KCNMA1: variants seen among roughly 807,000 people sequenced by gnomAD.
KCNMA1 encodes the protein Calcium-activated potassium channel subunit alpha-1.
KCNMA1 carries 29 observed loss-of-function variants against 140.0 expected under a neutral mutation model. The ratio of observed to expected loss-of-function variants is 0.21; its 90% CI spans 0.15 to 0.28. KCNMA1 has a LOEUF of 0.28. Ranked by LOEUF, KCNMA1 falls within the 10% of genes least tolerant of loss-of-function variation. The pLI is 1.00. For missense variants in KCNMA1, 880 were observed against 1,602.2 expected, an observed-to-expected ratio of 0.55 and a Z score of 7.70; for synonymous variants, 612 against 611.9, an observed-to-expected ratio of 1.00 and a Z score of 0.00.
intron 2 of KCNMA1, among the ~76,000 whole-genome samples, chr10:77,292,489 G>A (rs2073601863): frequency 6.6e-6 from 1 of 152,186 alleles, no homozygotes; most frequent in African/African-American, 2.4e-5. Context: ...GTTGCCAACT[G>A]GATCATACTG....
At chr10:77,275,210 C>T (rs191925544) in intron 2 of KCNMA1, among the ~76,000 whole-genome samples, 1 of 152,300 alleles carries the variant, frequency 6.6e-6, no homozygotes, top group East Asian at 1.9e-4. Flanking sequence ...GATCTGAAAG[C>T]ACAACCCTGA....
At chr10:77,453,003 CGG>C (rs1478368299) in intron 1 of KCNMA1, among the ~76,000 whole-genome samples, 2 of 152,074 alleles carry the variant, frequency 1.3e-5, no homozygotes, top group Non-Finnish European at 2.9e-5. Flanking sequence ...ACCTAGCTGA[CGG>C]GGTTGCTATA....
intron 1 of KCNMA1, among the ~76,000 whole-genome samples, chr10:77,631,549 C>A (rs1353530542): frequency 6.6e-6 from 1 of 152,160 alleles, no homozygotes; most frequent in Non-Finnish European, 1.5e-5. Context: ...CAGTGTGAGC[C>A]GGGACGCCCA....
intron 3 of KCNMA1, among the ~76,000 whole-genome samples, chr10:77,240,440 G>C (rs756066441): frequency 6.6e-6 from 1 of 152,126 alleles, no homozygotes; most frequent in African/African-American, 2.4e-5. Context: ...AGAGAGAAGG[G>C]GTCCTTTTTG....
intron 15 of KCNMA1, among the ~76,000 whole-genome samples, chr10:77,036,535 C>T (rs763523214): frequency 6.6e-6 from 1 of 152,226 alleles, no homozygotes; most frequent in Non-Finnish European, 1.5e-5. Flanking sequence ...TGTTTTAGCG[C>T]AGCGCATAAT....
At chr10:77,132,039 C>A (rs1055436224) in intron 5 of KCNMA1, among the ~76,000 whole-genome samples, 1 of 150,414 alleles carries the variant, frequency 6.6e-6, no homozygotes, top group Admixed American at 6.6e-5. Context: ...GGAAAGGCAA[C>A]TTTCCTTCAA....
chr10:76,935,254 C>G (rs917212796), intron 23 of KCNMA1, among the ~76,000 whole-genome samples: 1 of 152,202 alleles, frequency 6.6e-6, no homozygotes, highest in South Asian at 2.1e-4. Context: ...GGTGCAAGGA[C>G]CAGTTTAGAA....
intron 2 of KCNMA1, among the ~76,000 whole-genome samples, chr10:77,296,821 T>C (rs1601641957): frequency 6.8e-6 from 1 of 147,572 alleles, no homozygotes; most frequent in Non-Finnish European, 1.5e-5. Context: ...GCTGATGACA[T>C]GGCGGTATGA....
intron 1 of KCNMA1, among the ~76,000 whole-genome samples, chr10:77,459,425 T>A (rs527862702): frequency 6.6e-6 from 1 of 152,340 alleles, no homozygotes; most frequent in Non-Finnish European, 1.5e-5. Flanking sequence ...GACCACAGCA[T>A]GCAGCAACTA....
intron 23 of KCNMA1, among the ~76,000 whole-genome samples, chr10:76,940,998 A>AAGGAAGGAAGGAAGGAAGGAAGGAAGG (rs2061823952): frequency 1.1e-4 from 7 of 63,304 alleles, no homozygotes; most frequent in African/African-American, 4.6e-4. Context: ...AGAGAGAAAG[A>AAGGAAGGAAGGAAGGAAGGAAGGAAGG]AAGGAAGGAA....
chr10:77,054,686 G>A (rs186317426), intron 14 of KCNMA1, among the ~76,000 whole-genome samples: 2 of 152,198 alleles, frequency 1.3e-5, no homozygotes, highest in Admixed American at 6.5e-5. Flanking sequence ...TGCATCACTC[G>A]TTACCATGAA....
Position 77,031,368 on chromosome 10 carries a change from G to C in KCNMA1, c.1860-3477C>G, listed in dbSNP as rs562526893. Reference sequence around the variant, plus strand: ...GCAGCTGTGAAGCACTTATCCCTCTGGATGGGATGTTTGTTCTCCAATGTG... The same window carrying C: ...GCAGCTGTGAAGCACTTATCCCTCTCGATGGGATGTTTGTTCTCCAATGTG... On this transcript the variant is annotated intron_variant, in intron 15 of 27. Coordinates refer to ENST00000286628, the MANE Select transcript of KCNMA1 (RefSeq NM_001161352.2). Among the ~76,000 whole-genome samples the C allele has an allele frequency of 2.6e-5, 4 of 152,278 alleles. No homozygotes were observed. In the South Asian group the frequency reaches 8.3e-4, roughly 32 times the overall value.
At chr10:77,440,912 G>A (rs541967544) in intron 1 of KCNMA1, among the ~76,000 whole-genome samples, 26 of 152,246 alleles carry the variant, frequency 1.7e-4, no homozygotes, top group African/African-American at 4.6e-4. Flanking sequence ...TCCGCCTCCC[G>A]GGTTCACGCC....
chr10:77,371,067 G>A (rs2094669835), intron 2 of KCNMA1, among the ~76,000 whole-genome samples: 1 of 152,140 alleles, frequency 6.6e-6, no homozygotes, highest in South Asian at 2.1e-4. Flanking sequence ...CCTCTCATCA[G>A]AAATACAGGC....
intron 1 of KCNMA1, among the ~76,000 whole-genome samples, chr10:77,509,641 T>A (rs2047629577): frequency 6.6e-6 from 1 of 152,214 alleles, no homozygotes; most frequent in Admixed American, 6.5e-5. Context: ...TTTCTCCACA[T>A]CCTGTCAACA....
At chr10:77,063,408 G>A (rs1265622786) in intron 14 of KCNMA1, among the ~76,000 whole-genome samples, 2 of 151,860 alleles carry the variant, frequency 1.3e-5, no homozygotes, top group Non-Finnish European at 2.9e-5. Flanking sequence ...CTGCACCACC[G>A]CACTCCAGCC....
chr10:76,960,917 C>A lies in KCNMA1; in HGVS notation c.2361-6993G>T, dbSNP rs1422505054. Among the ~76,000 whole-genome samples, 3 of 151,960 alleles carry A rather than the reference C, an allele frequency of 2.0e-5. No individual in the cohort carries two copies. In the East Asian group the frequency reaches 5.8e-4, roughly 29 times the overall value. On this transcript the variant is annotated intron_variant, in intron 20 of 27. Coordinates refer to ENST00000286628, the MANE Select transcript of KCNMA1 (RefSeq NM_001161352.2). ...AAAGATTTCTTTCAAGATGTTACTG[C>A]TCACTGATAACGCACCCAATTATTC... is the stretch of plus-strand genomic sequence containing the variant.
intron 1 of KCNMA1, among the ~76,000 whole-genome samples, chr10:77,543,295 G>A (rs546513198): frequency 1.5e-4 from 23 of 152,154 alleles, no homozygotes; most frequent in Non-Finnish European, 2.9e-4. Context: ...CCAGGCATCA[G>A]AAAGCATCTC....
rs80188243 is a variant in KCNMA1 at position 77,166,854 on chromosome 10, T to C, written c.808+16567A>G. On this transcript the variant is annotated intron_variant, in intron 5 of 27. Transcript: ENST00000286628. ...AAAATTAATACATAGTAGATGGATGTATTTTCAGTGTCTATGTGATAATTT... is the reference window on the plus strand; with the variant it reads ...AAAATTAATACATAGTAGATGGATGCATTTTCAGTGTCTATGTGATAATTT... 6.9e-3 allele frequency among the ~76,000 whole-genome samples: 1,053 copies of C among 152,338 alleles called. 13 individuals are homozygous for C. Among genetic ancestry groups the C allele is most frequent in the African/African-American group, 0.024 (988 of 41,574 alleles).
Sources: allele counts gnomAD v4.1 joint callset (sites outside exome capture counted in the v4.1 genomes callset), GRCh38; gene constraint gnomAD v4.1.1; transcripts MANE v1.5; gene names NCBI Gene and HGNC (gene_info 2026-07-23, HGNC 2026-07-21).